Variants in ELP4 observed in about 807,000 individuals in gnomAD.
The protein encoded by ELP4 is elongator complex protein 4.
A neutral mutation model predicts 48.9 loss-of-function variants in ELP4; 51 were observed. The ratio of observed to expected loss-of-function variants is 1.04; its 90% confidence interval spans 0.83 to 1.32. The LOEUF (loss-of-function observed/expected upper bound fraction) is 1.32, where lower values mean the gene tolerates loss of function less well. Ranked by LOEUF, ELP4 falls within the 40% of genes most tolerant of loss-of-function variation. The probability of loss-of-function intolerance (pLI) is 0.00; values close to 1 mark genes in which losing one functional copy is unlikely to be tolerated. For synonymous variants in ELP4, 210 were observed against 189.2 expected (o/e 1.11, Z -0.90); for missense variants, 519 against 514.6 (o/e 1.01, Z -0.08).
chr11:31,677,368 C>G (rs1413446519), intron 9 of ELP4, among the ~76,000 whole-genome samples: 1 of 152,136 alleles, frequency 6.6e-6, no homozygotes, highest in African/African-American at 2.4e-5. Flanking sequence ...GGAGAACTTG[C>G]AGACTGTAGG....
chr11:31,656,906 A>C (rs1945448748), intron 9 of ELP4, among the ~76,000 whole-genome samples: 1 of 152,046 alleles, frequency 6.6e-6, no homozygotes, highest in Non-Finnish European at 1.5e-5. Context: ...GCTGTAGCGG[A>C]ATTAGTCCAG....
intron 9 of ELP4, among the ~76,000 whole-genome samples, chr11:31,718,321 T>G (rs879861237): frequency 2.0e-5 from 3 of 152,132 alleles, no homozygotes; most frequent in East Asian, 1.9e-4. Flanking sequence ...CCAAGAAAAA[T>G]TATATTTCTT....
chr11:31,557,732 A>G (rs1239861521), intron 3 of ELP4, among the ~76,000 whole-genome samples: 2 of 152,076 alleles, frequency 1.3e-5, no homozygotes, highest in Admixed American at 1.3e-4. Context: ...ATTAAACTCC[A>G]AAGTTGTAAT....
At chr11:31,536,585 C>A (rs990751643) in intron 2 of ELP4, among the ~76,000 whole-genome samples, 1 of 152,164 alleles carries the variant, frequency 6.6e-6, no homozygotes, top group Non-Finnish European at 1.5e-5. Context: ...CTCCTGACCT[C>A]AAGCAATCCA....
At chr11:31,617,222 A>G (rs1419336352) in intron 5 of ELP4, among the ~76,000 whole-genome samples, 1 of 152,168 alleles carries the variant, frequency 6.6e-6, no homozygotes, top group African/African-American at 2.4e-5. Flanking sequence ...AATGTTATTT[A>G]GCCTTAAAAA....
chr11:31,666,004 C>CTTTTT lies in ELP4; in HGVS notation c.1143+15801_1143+15805dup, dbSNP rs35902758. On this transcript the variant is annotated intron_variant, in intron 9 of 9. Transcript: ENST00000640961. ...TGTTTTTCAAAATAAGTTTCAAATTCTTTTTTTTTTTTTTTTTTTTTTGTG... is the reference window on the plus strand; with the variant it reads ...TGTTTTTCAAAATAAGTTTCAAATTCTTTTTTTTTTTTTTTTTTTTTTTTTTTGTG... Among the ~76,000 whole-genome samples, 107 of 85,342 alleles carry CTTTTT rather than the reference C, an allele frequency of 1.3e-3. 1 individual carries two copies. The highest frequency in any genetic ancestry group is 2.0e-3 in the African/African-American group (38 of 19,456). The allele number at this position is 85,342 out of a possible 152,430, so 56.0% of individuals were successfully genotyped here.
At chr11:31,762,306 T>A (rs1171578485) in intron 9 of ELP4, among the ~76,000 whole-genome samples, 1 of 152,206 alleles carries the variant, frequency 6.6e-6, no homozygotes, top group Non-Finnish European at 1.5e-5. Flanking sequence ...TACCTTCTTG[T>A]CTTCACAACA....
intron 9 of ELP4, among the ~76,000 whole-genome samples, chr11:31,720,245 T>C (rs1468077307): frequency 1.3e-5 from 2 of 152,196 alleles, no homozygotes; most frequent in Non-Finnish European, 2.9e-5. Flanking sequence ...ATGATCTCCA[T>C]TTCAAATGCT....
At chr11:31,632,469 A>C (rs1944882698) in intron 7 of ELP4, 64 bp downstream of exon 7, 2 of 1,336,164 alleles carry the variant, frequency 1.5e-6, no homozygotes, top group African/African-American at 2.9e-5. Context: ...TTGTGGTTTT[A>C]GTTTGCATTT....
At chr11:31,645,362 A>G (rs1377434923) in intron 7 of ELP4, among the ~76,000 whole-genome samples, 1 of 151,750 alleles carries the variant, frequency 6.6e-6, no homozygotes, top group African/African-American at 2.4e-5. Flanking sequence ...ACATTATAGG[A>G]TGTAAAATGG....
intron 3 of ELP4, among the ~76,000 whole-genome samples, chr11:31,578,698 C>G (rs530721256): frequency 3.6e-4 from 55 of 152,316 alleles, no homozygotes; most frequent in African/African-American, 1.3e-3. Context: ...AAAGGATTCT[C>G]TGTTTAATAA....
chr11:31,694,431 A>G (rs575193664), intron 9 of ELP4, among the ~76,000 whole-genome samples: 1 of 152,230 alleles, frequency 6.6e-6, no homozygotes, highest in African/African-American at 2.4e-5. Context: ...TCCTTTCCCC[A>G]TTTCTTGTTT....
In ELP4 at chr11:31,788,786, T is replaced by C. The variant is rs898628340; in HGVS notation, c.*5262T>C. ...GAATTTTTTTCTAACACGTTTTTGA[T>C]TTATGGTATCTATAAGGATTATTTT... On this transcript the variant is annotated 3_prime_UTR_variant, in exon 10 of 10. Coordinates refer to ENST00000640961, the MANE Select transcript of ELP4 (RefSeq NM_019040.5). 9.6e-6 allele frequency: 2 copies of C among 207,966 alleles called. No homozygotes were observed. The highest frequency in any genetic ancestry group is 4.6e-5 in the African/African-American group (2 of 43,922). 12.9% of individuals were successfully genotyped at this position (207,966 alleles called of 1,614,324 possible).
intron 9 of ELP4, among the ~76,000 whole-genome samples, chr11:31,732,363 A>G (rs1291354283): frequency 6.6e-6 from 1 of 152,028 alleles, no homozygotes; most frequent in African/African-American, 2.4e-5. Flanking sequence ...AGCTTAAAAT[A>G]TTTTGTTATA....
At chr11:31,525,460 T>C (rs185616150) in intron 2 of ELP4, among the ~76,000 whole-genome samples, 307 of 152,196 alleles carry the variant, frequency 2.0e-3, no homozygotes, top group African/African-American at 7.0e-3. Context: ...ATAAGGAGTA[T>C]GAAAAAGACT....
At chr11:31,542,827 AT>A (rs1359534883) in intron 3 of ELP4, among the ~76,000 whole-genome samples, 1 of 152,030 alleles carries the variant, frequency 6.6e-6, no homozygotes, top group Non-Finnish European at 1.5e-5. Flanking sequence ...AGAAAAATCA[AT>A]TAAAACAAAA....
At chr11:31,708,055 ATTCT>A (rs1253030203) in intron 9 of ELP4, among the ~76,000 whole-genome samples, 1 of 152,132 alleles carries the variant, frequency 6.6e-6, no homozygotes, top group East Asian at 1.9e-4. Flanking sequence ...CCTACCACTC[ATTCT>A]TTTATTTTTT....
intron 9 of ELP4, chr11:31,719,858 A>T (rs1946922391): frequency 1.1e-5 from 2 of 181,046 alleles, no homozygotes; most frequent in African/African-American, 4.7e-5. Flanking sequence ...GAGGTGAAAA[A>T]GCAAGTGTAG....
intron 9 of ELP4, among the ~76,000 whole-genome samples, chr11:31,678,107 A>G (rs1035982072): frequency 1.3e-5 from 2 of 151,988 alleles, no homozygotes; most frequent in African/African-American, 4.8e-5. Flanking sequence ...ATGCCATGTA[A>G]TTACGTAGAT....
Sources: gnomAD v4.1 joint callset for allele counts (sites outside exome capture counted in the v4.1 genomes callset) on GRCh38, gnomAD v4.1.1 for gene constraint, MANE v1.5 for transcripts, NCBI Gene and HGNC (gene_info 2026-07-23, HGNC 2026-07-21) for gene names.